The following DNAH12 variants were observed in gnomAD, a reference collection of about 807,000 sequenced individuals.
The protein encoded by DNAH12 is axonemal beta dynein heavy chain 12.
A neutral mutation model predicts 371.5 loss-of-function variants in DNAH12; 285 were observed. The ratio of observed to expected loss-of-function variants is 0.77; its 90% CI spans 0.70 to 0.85. The LOEUF (loss-of-function observed/expected upper bound fraction) is 0.85. Among genes scored for constraint, DNAH12 ranks in the 40% least tolerant of loss-of-function variants. The probability of loss-of-function intolerance (pLI) is 0.00; values close to 1 mark genes in which losing one functional copy is unlikely to be tolerated. For synonymous variants in DNAH12, 1,200 were observed against 1,213.0 expected, an observed-to-expected ratio of 0.99 and a Z score of 0.22; for missense variants, 3,611 against 3,689.4, an observed-to-expected ratio of 0.98 and a Z score of 0.55.
At chr3:57,344,767 A>ATTTC (rs1553657512) in intron 60 of DNAH12, among the ~76,000 whole-genome samples, 2 of 152,204 alleles carry the variant, frequency 1.3e-5, no homozygotes, top group Non-Finnish European at 2.9e-5. Context: ...TAAAAAGTAG[A>ATTTC]ACAGAGTATA....
intron 62 of DNAH12, among the ~76,000 whole-genome samples, chr3:57,332,600 A>G (rs981857380): frequency 3.3e-5 from 5 of 152,242 alleles, no homozygotes; most frequent in African/African-American, 1.2e-4. Flanking sequence ...CTGAGTTGCA[A>G]AAACAAGAAA....
chr3:57,307,783 C>T (rs546160131), intron 69 of DNAH12, among the ~76,000 whole-genome samples: 1 of 152,280 alleles, frequency 6.6e-6, no homozygotes, highest in Non-Finnish European at 1.5e-5. Flanking sequence ...CTGTATCTCT[C>T]TGATCCACCT....
At chr3:57,536,421 T>C (rs1233338726) in intron 2 of DNAH12, 2 of 152,130 alleles carry the variant, frequency 1.3e-5, no homozygotes. Flanking sequence ...AGAGTGAAAA[T>C]TTTCTCTCCC....
At chr3:57,517,791 A>T (rs1010525504) in intron 4 of DNAH12, among the ~76,000 whole-genome samples, 1 of 152,190 alleles carries the variant, frequency 6.6e-6, no homozygotes, top group Non-Finnish European at 1.5e-5. Flanking sequence ...TCATGCCTGT[A>T]ATCCCAGCAC....
upstream of DNAH12, chr3:57,549,059 G>A (rs1448185389): frequency 6.6e-6 from 1 of 152,160 alleles, no homozygotes; most frequent in East Asian, 1.9e-4. Flanking sequence ...GCAGTGGCCT[G>A]TGCCCATAAT....
At chr3:57,435,180 T>C (rs549566183) in intron 30 of DNAH12, among the ~76,000 whole-genome samples, 1 of 152,096 alleles carries the variant, frequency 6.6e-6, no homozygotes, top group Admixed American at 6.5e-5. Context: ...AAGACCAGCT[T>C]GGCCAACATG....
intron 2 of DNAH12, chr3:57,530,458 GA>G (rs2068801743): frequency 1.4e-6 from 1 of 715,306 alleles, no homozygotes. Context: ...ATACATGCCA[GA>G]TGCTTGCCCT....
At chr3:57,527,367 A>G (rs555115753) in intron 2 of DNAH12, among the ~76,000 whole-genome samples, 2 of 152,324 alleles carry the variant, frequency 1.3e-5, no homozygotes, top group African/African-American at 4.8e-5. Flanking sequence ...TTAAAAAGAG[A>G]GAAATATCTG....
intron 17 of DNAH12, among the ~76,000 whole-genome samples, chr3:57,465,261 T>G (rs7431380): frequency 0.49 from 74,243 of 151,688 alleles, 18,896 homozygotes; most frequent in African/African-American, 0.57. Context: ...AATATATATA[T>G]AGAGAGAGTC....
chr3:57,390,424 A>AAAAAAAAAATATATATAT, intron 45 of DNAH12, among the ~76,000 whole-genome samples: 1 of 33,440 alleles, frequency 3.0e-5, no homozygotes, highest in African/African-American at 6.3e-5. Context: ...AAAAAAAAAA[A>AAAAAAAAAATATATATAT]ATATATATAT....
intron 13 of DNAH12, 138 bp downstream of exon 13, chr3:57,483,238 A>G (rs1049764249): frequency 1.0e-6 from 1 of 974,722 alleles, no homozygotes; most frequent in African/African-American, 1.6e-5. Flanking sequence ...ACAATATCCT[A>G]TTTCTTGGCC....
chr3:57,443,886 G>A (rs982302611), intron 29 of DNAH12, among the ~76,000 whole-genome samples: 3 of 151,974 alleles, frequency 2.0e-5, no homozygotes, highest in Non-Finnish European at 2.9e-5. Flanking sequence ...TACTAATATT[G>A]TAAATCACAA....
chr3:57,480,004 A>G (rs1479045301), intron 13 of DNAH12, among the ~76,000 whole-genome samples: 1 of 152,216 alleles, frequency 6.6e-6, no homozygotes, highest in Non-Finnish European at 1.5e-5. Context: ...CATCACAATT[A>G]AAAGAACTAG....
At position 57,457,744 on chromosome 3, in the gene DNAH12, C is replaced by G. The variant is rs749348277; in HGVS notation, c.3313G>C (p.Asp1105His). 2 of 1,551,398 alleles carry G rather than the reference C, an allele frequency of 1.3e-6. No individual in the cohort carries two copies. Among genetic ancestry groups the G allele is most frequent in the Admixed American group, 3.9e-5 (2 of 50,972 alleles). Residue 1105 changes from aspartate to histidine, a missense_variant, in exon 22 of 74, where the codon GAT (aspartate) becomes CAT (histidine). Coordinates refer to ENST00000495027, the MANE Select transcript of DNAH12 (RefSeq NM_001366028.2). ...ACCAGCCTGGCTGCAGCGATCACAT[C>G]GTGAACACTCCGGAGCATTAGGTCT... ...VEDLMLRSVH[D>H]VIAAARLAYP... is the part of the protein sequence containing the mutation.
chr3:57,461,792 T>C, intron 18 of DNAH12, 103 bp from the exon 19 acceptor site: 1 of 901,338 alleles, frequency 1.1e-6, no homozygotes, highest in Non-Finnish European at 1.7e-6. Context: ...TGTATTACAT[T>C]ATCATTTCCT....
chr3:57,387,580 C>T (rs2063521778), intron 45 of DNAH12, among the ~76,000 whole-genome samples: 1 of 151,998 alleles, frequency 6.6e-6, no homozygotes, highest in African/African-American at 2.4e-5. Flanking sequence ...TCTACTAGCC[C>T]CTTCTTCCTT....
intron 2 of DNAH12, among the ~76,000 whole-genome samples, chr3:57,526,527 CTTTT>C (rs759097908): frequency 8.2e-6 from 1 of 121,236 alleles, no homozygotes; most frequent in Admixed American, 8.4e-5. Flanking sequence ...GTTTCCAGAT[CTTTT>C]TTTTTTTTTT....
chr3:57,532,509 TGGG>T (rs2068885785), intron 2 of DNAH12, among the ~76,000 whole-genome samples: 1 of 152,206 alleles, frequency 6.6e-6, no homozygotes, highest in Non-Finnish European at 1.5e-5. Context: ...TGAAGGAACT[TGGG>T]TGTTGTGATC....
intron 5 of DNAH12, among the ~76,000 whole-genome samples, chr3:57,510,362 G>A (rs1267284103): frequency 6.6e-6 from 1 of 152,000 alleles, no homozygotes; most frequent in African/African-American, 2.4e-5. Flanking sequence ...AGTTAAGGCT[G>A]GGCTGAGTGG....
Sources: allele counts gnomAD v4.1 joint callset (sites outside exome capture counted in the v4.1 genomes callset), GRCh38; gene constraint gnomAD v4.1.1; transcripts MANE v1.5; gene names NCBI Gene and HGNC (gene_info 2026-07-23, HGNC 2026-07-21).